The following LRPAP1 variants were observed in gnomAD, a reference collection of about 807,000 sequenced individuals.
LRPAP1 encodes alpha-2-macroglobulin receptor-associated protein.
A neutral mutation model predicts 39.9 loss-of-function variants in LRPAP1; 41 were observed. The observed-to-expected ratio is 1.03, with a 90% CI of 0.80 to 1.33. The LOEUF is 1.33. LRPAP1 is among the 40% of genes most tolerant of loss of function. The pLI, the probability that LRPAP1 is intolerant of heterozygous loss-of-function variation, is 0.00. For missense variants in LRPAP1, 565 were observed against 482.3 expected (o/e 1.17, Z -1.61); for synonymous variants, 263 against 212.7 (o/e 1.24, Z -2.06).
intron 6 of LRPAP1, among the ~76,000 whole-genome samples, chr4:3,515,483 C>T (rs1729663505): frequency 6.6e-6 from 1 of 152,160 alleles, no homozygotes; most frequent in Non-Finnish European, 1.5e-5. Context: ...CTTCCTGGGG[C>T]CAGGAAAGTC....
chr4:3,512,643 T>C lies in LRPAP1; in HGVS notation c.*331A>G. The C allele has an allele frequency of 6.4e-6, 2 of 314,762 alleles. No homozygotes were observed. The highest frequency in any genetic ancestry group is 6.1e-5 in the East Asian group (1 of 16,406). The allele number at this position is 314,762 out of a possible 1,614,324, so 19.5% of individuals were successfully genotyped here. ...GGTGGCAGATGTGTAAGATTTTTTA[T>C]GTAAATCGTGTTGTTTTAGCAGAGG... On this transcript the variant is annotated 3_prime_UTR_variant, in exon 8 of 8. Transcript: ENST00000650182.
chr4:3,515,427 CCA>C lies in LRPAP1; in HGVS notation c.835-501_835-500del, dbSNP rs1167254249. Reference sequence around the variant, plus strand: ...TGCGGCCAGCTAAGGTGCCCCAGCCCCAGAGGGAAGCTCCTGACCCCTTTCTG... The same window carrying C: ...TGCGGCCAGCTAAGGTGCCCCAGCCCGAGGGAAGCTCCTGACCCCTTTCTG... On this transcript the variant is annotated intron_variant, in intron 6 of 7. Coordinates refer to ENST00000650182, the MANE Select transcript of LRPAP1 (RefSeq NM_002337.4). Among the ~76,000 whole-genome samples, 10 of 152,324 alleles carry C rather than the reference CCA, an allele frequency of 6.6e-5. No individual in the cohort carries two copies. In the East Asian group the frequency reaches 1.9e-3, roughly 29 times the overall value.
chr4:3,519,029 G>A (rs1560256474), intron 3 of LRPAP1, 38 bp from the exon 4 acceptor site: 1 of 1,604,396 alleles, frequency 6.2e-7, no homozygotes, highest in African/African-American at 1.3e-5. Context: ...ACCCGCCGCG[G>A]GCTCGTGTGG....
At chr4:3,513,097 T>G in intron 7 of LRPAP1, 61 bp from the exon 8 acceptor site, 1 of 1,344,856 alleles carries the variant, frequency 7.4e-7, no homozygotes, top group Non-Finnish European at 1.0e-6. Context: ...CTCTGTGAGC[T>G]CAGCCTCATG....
Position 3,509,278 on chromosome 4 carries a change from G to A in LRPAP1, c.*3696C>T, listed in dbSNP as rs1729446194. 7.8e-6 allele frequency: 1 copy of A among 127,914 alleles called. No individual in the cohort carries two copies. The highest frequency in any genetic ancestry group is 1.7e-5 in the Non-Finnish European group (1 of 60,038). 7.9% of individuals were successfully genotyped at this position (127,914 alleles called of 1,614,324 possible). A position where few individuals can be genotyped will look rare whatever the true frequency, so the allele number is the denominator to read the frequency against. ...CGGCAGTCAACGCGTGGACACCGGA[G>A]ACTGTTGAGACGCCGACTGGAGTCA... On this transcript the variant is annotated 3_prime_UTR_variant, in exon 8 of 8. Transcript: ENST00000650182.
At position 3,524,108 on chromosome 4, in the gene LRPAP1, C is replaced by A. The variant is rs377422320; in HGVS notation, c.349+799G>T. ...ACTCGACTCTCCGGAGCAGCCCCAA[C>A]CCCAGTCCCACGGGCCCACCTGGTG... On this transcript the variant is annotated intron_variant, in intron 2 of 7. Coordinates refer to ENST00000650182, the MANE Select transcript of LRPAP1 (RefSeq NM_002337.4). Among the ~76,000 whole-genome samples the A allele has an allele frequency of 6.0e-4, 91 of 152,304 alleles. No individual in the cohort carries two copies. In the South Asian group the frequency reaches 0.018, roughly 31 times the overall value.
At position 3,512,744 on chromosome 4, in the gene LRPAP1, G is replaced by A. The variant is rs1388708980; in HGVS notation, c.*230C>T. ...ACTGCCACGCTGATGCTGAGTGGAA[G>A]CCAAGCCCCTTCAGTCAGAGCTGGG... On this transcript the variant is annotated 3_prime_UTR_variant, in exon 8 of 8. Transcript: ENST00000650182. 2 of 551,028 alleles carry A rather than the reference G, an allele frequency of 3.6e-6. No homozygotes were observed. Among genetic ancestry groups the A allele is most frequent in the African/African-American group, 3.8e-5 (2 of 52,898 alleles). 34.1% of individuals were successfully genotyped at this position (551,028 alleles called of 1,614,324 possible).
At chr4:3,531,282 C>T (rs1255634460) in intron 1 of LRPAP1, among the ~76,000 whole-genome samples, 1 of 152,148 alleles carries the variant, frequency 6.6e-6, no homozygotes, top group Non-Finnish European at 1.5e-5. Flanking sequence ...TGTCTGTCCC[C>T]CACCTGTTTC....
intron 1 of LRPAP1, among the ~76,000 whole-genome samples, chr4:3,528,078 C>T (rs1730131999): frequency 6.6e-6 from 1 of 152,202 alleles, no homozygotes; most frequent in African/African-American, 2.4e-5. Flanking sequence ...AAAAAGCAGC[C>T]CCAGCTCTGT....
chr4:3,505,120 C>T lies in LRPAP1; in HGVS notation c.*7854G>A, dbSNP rs148523862. 4.6e-5 allele frequency among the ~76,000 whole-genome samples: 7 copies of T among 152,328 alleles called. No homozygotes were observed. Among genetic ancestry groups the T allele is most frequent in the Middle Eastern group, 3.4e-3 (1 of 294 alleles). Reference sequence around the variant, plus strand: ...ATGGTGGCCCGGGTCCTGCCACGCACGCAGCCATAGTGGGCTGGCTAAGCT... The same window carrying T: ...ATGGTGGCCCGGGTCCTGCCACGCATGCAGCCATAGTGGGCTGGCTAAGCT... On this transcript the variant is annotated 3_prime_UTR_variant, in exon 8 of 8. Coordinates refer to ENST00000650182, the MANE Select transcript of LRPAP1 (RefSeq NM_002337.4).
chr4:3,532,242 C>G lies in LRPAP1; in HGVS notation c.171G>C (p.Glu57Asp). ...CCTTCTCCCACAGCTGGTTCAACTT[C>G]TCCATGCGGAACTCCTCTCCGGACT... ...KRESGEEFRM[E>D]KLNQLWEKAQ... The change falls in exon 1 of 8, where the codon GAG becomes GAC. Residue 57 changes from glutamate to aspartate, a missense_variant. Coordinates refer to ENST00000650182, the MANE Select transcript of LRPAP1 (RefSeq NM_002337.4). 1 of 1,551,498 alleles carries G rather than the reference C, an allele frequency of 6.4e-7. No individual in the cohort carries two copies. Among genetic ancestry groups the G allele is most frequent in the Non-Finnish European group, 8.7e-7 (1 of 1,147,134 alleles).
intron 7 of LRPAP1, among the ~76,000 whole-genome samples, chr4:3,513,595 C>T (rs546703935): frequency 8.5e-5 from 13 of 152,274 alleles, no homozygotes; most frequent in African/African-American, 2.4e-4. Context: ...AGGTGTAAGC[C>T]ACTGTGCCCA....
chr4:3,526,482 T>C (rs918719034), intron 1 of LRPAP1, among the ~76,000 whole-genome samples: 1 of 152,288 alleles, frequency 6.6e-6, no homozygotes, highest in South Asian at 2.1e-4. Context: ...ATGTGTGTTA[T>C]ATTTCAATAA....
At position 3,509,185 on chromosome 4, in the gene LRPAP1, C is replaced by T. The variant is rs982742960; in HGVS notation, c.*3789G>A. On this transcript the variant is annotated 3_prime_UTR_variant, in exon 8 of 8. Transcript: ENST00000650182. ...GAGAAGTTGAAGATGAACTCAATAC[C>T]TGGAGTCATACATGGCAGTCAACGC... is the stretch of plus-strand genomic sequence containing the variant. The T allele has an allele frequency of 6.6e-6, 1 of 152,326 alleles. No homozygotes were observed. Among genetic ancestry groups the T allele is most frequent in the Non-Finnish European group, 1.5e-5 (1 of 68,078 alleles). 9.4% of individuals were successfully genotyped at this position (152,326 alleles called of 1,614,324 possible). A position where few individuals can be genotyped will look rare whatever the true frequency, so the allele number is the denominator to read the frequency against.
intron 1 of LRPAP1, among the ~76,000 whole-genome samples, chr4:3,528,628 C>T (rs974938181): frequency 6.6e-6 from 1 of 152,192 alleles, no homozygotes; most frequent in African/African-American, 2.4e-5. Flanking sequence ...CCTGAGTGCC[C>T]GCGCCAGACT....
In LRPAP1 at chr4:3,524,959, G is replaced by A. The variant is rs766981043; in HGVS notation, c.297C>T (p.Asp99=). ...CCTTCTCCCCATCTTCGTCCAAGCC[G>A]TCAAGCTTTAGTTTCTTCCAGGCGA... ...DELAWKKLKL[D]GLDEDGEKEA... Residue 99 remains aspartate, a synonymous_variant, in exon 2 of 8, where the codon GAC becomes GAT. Transcript: ENST00000650182. 34 of 1,614,042 alleles carry A rather than the reference G, an allele frequency of 2.1e-5. No homozygotes were observed. The highest frequency in any genetic ancestry group is 1.6e-4 in the Middle Eastern group (1 of 6,084).
intron 6 of LRPAP1, among the ~76,000 whole-genome samples, chr4:3,515,457 G>T (rs576802196): frequency 6.6e-6 from 1 of 152,184 alleles, no homozygotes; most frequent in African/African-American, 2.4e-5. Context: ...CCTTTCTGGG[G>T]GAGGTGCTAA....
intron 1 of LRPAP1, among the ~76,000 whole-genome samples, chr4:3,529,000 T>C (rs947005080): frequency 3.9e-5 from 6 of 152,140 alleles, no homozygotes; most frequent in East Asian, 1.9e-4. Context: ...CACACTCTCA[T>C]TGCAGTCACC....
chr4:3,519,104 G>C, intron 3 of LRPAP1, 113 bp from the exon 4 acceptor site: 1 of 1,505,176 alleles, frequency 6.6e-7, no homozygotes, highest in Non-Finnish European at 8.9e-7. Context: ...GTGAGTGCCA[G>C]GCCAGGTTCT....
Sources: allele counts gnomAD v4.1 joint callset (sites outside exome capture counted in the v4.1 genomes callset), GRCh38; gene constraint gnomAD v4.1.1; transcripts MANE v1.5; gene names NCBI Gene and HGNC (gene_info 2026-07-23, HGNC 2026-07-21).